SLC23A2: variants seen among roughly 807,000 people sequenced by gnomAD.
SLC23A2 encodes the protein Na(+)/L-ascorbic acid transporter 2.
Under a neutral mutation model 73.3 loss-of-function variants are expected in SLC23A2, and 36 were observed. The ratio of observed to expected loss-of-function variants is 0.49; its 90% CI spans 0.38 to 0.65. The LOEUF (loss-of-function observed/expected upper bound fraction) is 0.65. SLC23A2 is among the 30% of genes least tolerant of loss of function. The probability of loss-of-function intolerance (pLI) is 0.00; values close to 1 mark genes in which losing one functional copy is unlikely to be tolerated. For synonymous variants in SLC23A2, 343 were observed against 327.3 expected, an observed-to-expected ratio of 1.05 and a Z score of -0.52; for missense variants, 507 against 841.6, an observed-to-expected ratio of 0.60 and a Z score of 4.92.
At chr20:4,985,064 G>A (rs1401607866) in intron 1 of SLC23A2, among the ~76,000 whole-genome samples, 2 of 151,336 alleles carry the variant, frequency 1.3e-5, no homozygotes, top group Admixed American at 1.3e-4. Context: ...TTGATCCCGG[G>A]ACGTGGAGGT....
chr20:4,900,839 T>G (rs1314024319), intron 5 of SLC23A2, among the ~76,000 whole-genome samples: 1 of 152,192 alleles, frequency 6.6e-6, no homozygotes, highest in South Asian at 2.1e-4. Context: ...CTTATTTCTG[T>G]TCTGCAAACT....
chr20:4,857,064 T>G lies in SLC23A2; in HGVS notation c.1861A>C (p.Ile621Leu). ...GTGTAGCCCACAAAGGTTGGGCTGA[T>G]GGGTAAGTAGCTGAAGCATCTGTAT... ...KKYRCFSYLP[I>L]SPTFVGYTWK... The change falls in exon 17 of 17, where the codon ATC (isoleucine) becomes CTC (leucine). Residue 621 changes from isoleucine to leucine, a missense_variant. This residue lies in a region of SLC23A2 where 168 missense variants were observed against 302.3 expected (regional missense o/e 0.56). Transcript: ENST00000338244. The surrounding 1 kb of genome is among the most constrained non-coding windows in gnomAD (Gnocchi z 4.0). The G allele has an allele frequency of 6.2e-7, 1 of 1,614,058 alleles. No homozygotes were observed. The highest frequency in any genetic ancestry group is 8.5e-7 in the Non-Finnish European group (1 of 1,179,938).
chr20:4,884,265 G>C (rs940396436), intron 8 of SLC23A2, among the ~76,000 whole-genome samples: 2 of 152,236 alleles, frequency 1.3e-5, no homozygotes, highest in Non-Finnish European at 2.9e-5. Context: ...GGCCACATCT[G>C]TGCTCATTCT....
chr20:5,004,023 C>T (rs2088163004), upstream of SLC23A2, among the ~76,000 whole-genome samples: 1 of 151,948 alleles, frequency 6.6e-6, no homozygotes, highest in Non-Finnish European at 1.5e-5. Context: ...GTTAGTTTCC[C>T]CTCATATCTC....
At chr20:4,915,558 T>C (rs532568759) in intron 3 of SLC23A2, among the ~76,000 whole-genome samples, 30 of 152,356 alleles carry the variant, frequency 2.0e-4, no homozygotes, top group African/African-American at 6.0e-4. Flanking sequence ...TCCCAATTCA[T>C]GTGTTTTTGT....
rs142309826 is a variant in SLC23A2 at position 4,916,466 on chromosome 20, G to A, written c.109-3488C>T. Among the ~76,000 whole-genome samples, 630 of 152,196 alleles carry A rather than the reference G, an allele frequency of 4.1e-3. 6 individuals carry two copies. Among genetic ancestry groups the A allele is most frequent in the African/African-American group, 0.014 (579 of 41,514 alleles). On this transcript the variant is annotated intron_variant, in intron 3 of 16. Transcript: ENST00000338244. The stretch of plus-strand genomic sequence containing the variant: ...GAAAATGTTTTGGAACCAAATGGAC[G>A]AGGCTGTATAACACTGTGAGTGTAT...
Position 4,867,875 on chromosome 20 carries a change from C to T in SLC23A2, c.1251G>A (p.Arg417=), listed in dbSNP as rs1270359802. 1 of 1,564,188 alleles carries T rather than the reference C, an allele frequency of 6.4e-7. No homozygotes were observed. The highest frequency in any genetic ancestry group is 1.7e-5 in the Admixed American group (1 of 59,832). The change falls in exon 13 of 17, where the codon AGG becomes AGA. Residue 417 remains arginine, a splice_region_variant and synonymous_variant. Transcript: ENST00000338244. ...APPPPIHAIN[R]GIFVEGLSCV... ...AGGAGAGGCCTTCCACGAAAATTCC[C>T]CTAAGATGTAAAGGAATGGAGGAAA...
At chr20:4,930,859 C>T (rs370419073) in intron 3 of SLC23A2, among the ~76,000 whole-genome samples, 6 of 151,706 alleles carry the variant, frequency 4.0e-5, no homozygotes, top group African/African-American at 1.5e-4. Flanking sequence ...TGGTGGCATG[C>T]ATCCATAATA....
intron 1 of SLC23A2, among the ~76,000 whole-genome samples, chr20:4,985,136 C>CAAAAAAAA (rs56246524): frequency 9.6e-6 from 1 of 104,020 alleles, no homozygotes; most frequent in African/African-American, 3.6e-5. Flanking sequence ...ACTCCGTCTC[C>CAAAAAAAA]AAAAAAAAAA....
intron 2 of SLC23A2, among the ~76,000 whole-genome samples, chr20:4,945,603 G>A (rs555220563): frequency 4.1e-4 from 62 of 152,250 alleles, no homozygotes; most frequent in Middle Eastern, 3.4e-3. Context: ...TTTTCAAACC[G>A]CAAGTCAGTA....
intron 11 of SLC23A2, among the ~76,000 whole-genome samples, chr20:4,873,518 A>G (rs983696171): frequency 1.3e-5 from 2 of 152,274 alleles, no homozygotes; most frequent in East Asian, 3.9e-4. Flanking sequence ...GAGATTATAT[A>G]AATTCCATCA....
intron 3 of SLC23A2, among the ~76,000 whole-genome samples, chr20:4,925,062 T>C (rs1188675575): frequency 6.6e-6 from 1 of 151,766 alleles, no homozygotes; most frequent in Admixed American, 6.6e-5. Context: ...GCATGTGCCA[T>C]ATTTCAGCTA....
intron 2 of SLC23A2, among the ~76,000 whole-genome samples, chr20:4,950,055 T>C (rs1013584195): frequency 1.3e-5 from 2 of 152,170 alleles, no homozygotes; most frequent in Non-Finnish European, 2.9e-5. Context: ...CTATTTGTGT[T>C]ACACAACAGC....
chr20:4,949,326 C>T (rs1281358402), intron 2 of SLC23A2, among the ~76,000 whole-genome samples: 1 of 150,180 alleles, frequency 6.7e-6, no homozygotes. Flanking sequence ...AAAGAACACA[C>T]AGCAGAGCTT....
At chr20:4,958,330 G>C (rs577278957) in intron 2 of SLC23A2, among the ~76,000 whole-genome samples, 9 of 152,314 alleles carry the variant, frequency 5.9e-5, no homozygotes, top group African/African-American at 1.9e-4. Context: ...ACTGGAATGA[G>C]TATTCTCAGA....
intron 6 of SLC23A2, among the ~76,000 whole-genome samples, chr20:4,897,308 A>T (rs994623348): frequency 5.3e-5 from 8 of 152,202 alleles, no homozygotes; most frequent in Non-Finnish European, 1.2e-4. Context: ...ACAGTTGCTG[A>T]CGTGATTAGA....
intron 2 of SLC23A2, among the ~76,000 whole-genome samples, chr20:4,969,580 C>CTT (rs1201990553): frequency 1.5e-4 from 21 of 137,318 alleles, no homozygotes; most frequent in African/African-American, 3.5e-4. Flanking sequence ...TGACAGCATC[C>CTT]TTTTTTTTTT....
chr20:4,993,101 AC>A (rs1395726086), intron 1 of SLC23A2, among the ~76,000 whole-genome samples: 1 of 151,412 alleles, frequency 6.6e-6, no homozygotes, highest in African/African-American at 2.4e-5. Context: ...ACACAGTGAA[AC>A]CCCGTCTCTA....
At chr20:4,985,439 C>T (rs2087808363) in intron 1 of SLC23A2, among the ~76,000 whole-genome samples, 1 of 149,052 alleles carries the variant, frequency 6.7e-6, no homozygotes, top group Non-Finnish European at 1.5e-5. Context: ...AAGCCTATCA[C>T]AAAAAACCAC....
Sources: gnomAD v4.1 joint callset for allele counts (sites outside exome capture counted in the v4.1 genomes callset) on GRCh38, gnomAD v4.1.1 for gene constraint, gnomAD v4.1.1 regional missense constraint, Gnocchi (gnomAD v3.1) non-coding constraint, MANE v1.5 for transcripts, NCBI Gene and HGNC (gene_info 2026-07-23, HGNC 2026-07-21) for gene names.